Variants in KIF6 observed in about 807,000 individuals in gnomAD.
KIF6 encodes kinesin family member 6.
In KIF6, 106 loss-of-function variants were observed where a neutral mutation model predicts 112.7. That is an observed-to-expected ratio of 0.94 (90% CI 0.80 to 1.11). The LOEUF is 1.11. Among genes scored for constraint, KIF6 ranks in the 50% least tolerant of loss-of-function variants. The probability of loss-of-function intolerance (pLI) is 0.00; values close to 1 mark genes in which losing one functional copy is unlikely to be tolerated. For synonymous variants in KIF6, 339 were observed against 339.9 expected (o/e 1.00, Z 0.03); for missense variants, 929 against 964.0 (o/e 0.96, Z 0.48).
intron 13 of KIF6, among the ~76,000 whole-genome samples, chr6:39,484,533 G>A (rs114259676): frequency 3.3e-5 from 5 of 152,272 alleles, no homozygotes; most frequent in South Asian, 2.1e-4. Flanking sequence ...AAGAAATGGC[G>A]GGAGATGGAG....
intron 15 of KIF6, among the ~76,000 whole-genome samples, chr6:39,397,115 G>T (rs186378487): frequency 6.6e-6 from 1 of 152,086 alleles, no homozygotes; most frequent in Non-Finnish European, 1.5e-5. Flanking sequence ...TTCAGCACTC[G>T]CTGACTCCAA....
rs576801341 is a variant in KIF6, at chr6:39,392,538, A to C, written c.1811-6866T>G. The stretch of plus-strand genomic sequence containing the variant: ...GGATACATTTTCTTTAAAAAGAATA[A>C]GAAATATGTGACAAATAGGTATAAA... On this transcript the variant is annotated intron_variant, in intron 15 of 22. Coordinates refer to ENST00000287152, the MANE Select transcript of KIF6 (RefSeq NM_145027.6). Among the ~76,000 whole-genome samples, 5 of 152,382 alleles carry C rather than the reference A, an allele frequency of 3.3e-5. No individual in the cohort carries two copies. In the East Asian group the frequency reaches 9.6e-4, roughly 29 times the overall value.
intron 22 of KIF6, among the ~76,000 whole-genome samples, chr6:39,337,217 T>TTCTTTCTTTC (rs1255200421): frequency 8.5e-6 from 1 of 117,872 alleles, no homozygotes; most frequent in Admixed American, 8.4e-5. Flanking sequence ...CTTTCTTTCT[T>TTCTTTCTTTC]TCTTTCTTTC....
intron 3 of KIF6, among the ~76,000 whole-genome samples, chr6:39,684,766 G>A (rs1200577612): frequency 1.3e-5 from 2 of 151,732 alleles, no homozygotes; most frequent in African/African-American, 2.4e-5. Context: ...CTCCAGCCTG[G>A]GTGTAAGAGT....
intron 13 of KIF6, among the ~76,000 whole-genome samples, chr6:39,502,444 C>A (rs112126100): frequency 2.0e-5 from 3 of 151,956 alleles, no homozygotes; most frequent in South Asian, 2.1e-4. Context: ...AACAAGTCTG[C>A]GAAATAAACA....
chr6:39,564,871 C>T (rs9394614), intron 10 of KIF6, among the ~76,000 whole-genome samples: 6,093 of 152,280 alleles, frequency 0.04, 273 homozygotes, highest in East Asian at 0.25. Context: ...TACCATTTCA[C>T]AGACCAATGA....
chr6:39,718,475 G>A (rs1789998876), intron 2 of KIF6: 1 of 152,290 alleles, frequency 6.6e-6, no homozygotes, highest in African/African-American at 2.4e-5. Flanking sequence ...CAGGCGCGGT[G>A]GCTCACACCT....
At chr6:39,707,691 A>G (rs1484907782) in intron 3 of KIF6, among the ~76,000 whole-genome samples, 1 of 152,254 alleles carries the variant, frequency 6.6e-6, no homozygotes, top group Non-Finnish European at 1.5e-5. Flanking sequence ...ACCAGAGGTC[A>G]CTAAGCATGT....
chr6:39,491,457 A>C (rs1775479052), intron 13 of KIF6, among the ~76,000 whole-genome samples: 1 of 152,202 alleles, frequency 6.6e-6, no homozygotes, highest in Non-Finnish European at 1.5e-5. Context: ...CTCCTGATCC[A>C]GAAAAACTGT....
Position 39,482,337 on chromosome 6 carries a change from T to C in KIF6, c.1646-51176A>G, listed in dbSNP as rs550358136. Reference sequence around the variant, plus strand: ...TGTAAATTCTTGCTATTACTACCACTATCACCACCAGATGATGGAAGAGCT... The same window carrying C: ...TGTAAATTCTTGCTATTACTACCACCATCACCACCAGATGATGGAAGAGCT... On this transcript the variant is annotated intron_variant, in intron 13 of 22. Coordinates refer to ENST00000287152, the MANE Select transcript of KIF6 (RefSeq NM_145027.6). Among the ~76,000 whole-genome samples, 624 of 152,266 alleles carry C rather than the reference T, an allele frequency of 4.1e-3. 6 individuals are homozygous for C. The highest frequency in any genetic ancestry group is 0.015 in the African/African-American group (604 of 41,548).
At chr6:39,614,905 C>A (rs145015880) in intron 5 of KIF6, among the ~76,000 whole-genome samples, 2 of 152,082 alleles carry the variant, frequency 1.3e-5, no homozygotes, top group African/African-American at 4.8e-5. Context: ...CCTAGAGACA[C>A]GGAAGTAATG....
chr6:39,673,465 CTTA>C (rs1396604218), intron 3 of KIF6, among the ~76,000 whole-genome samples: 3 of 152,152 alleles, frequency 2.0e-5, no homozygotes, highest in Non-Finnish European at 2.9e-5. Flanking sequence ...CATGAAATCT[CTTA>C]TTATGTGCCA....
Position 39,362,429 on chromosome 6 carries a change from G to A in KIF6, c.1946+5C>T. The stretch of plus-strand genomic sequence containing the variant: ...CGGACTGTGTGTGGCTAAAAGGAAG[G>A]GCACCTTCTCTTTTCTTCCTCCAGT... On this transcript the variant is annotated splice_donor_5th_base_variant and intron_variant, in intron 17 of 22. Transcript: ENST00000287152. 1 of 1,611,430 alleles carries A rather than the reference G, an allele frequency of 6.2e-7. No individual in the cohort carries two copies.
rs148093090 is a variant in KIF6, at chr6:39,505,911, T to A, written c.1645+34092A>T. Among the ~76,000 whole-genome samples the A allele has an allele frequency of 1.3e-3, 201 of 152,312 alleles. 2 individuals are homozygous for A. The highest frequency in any genetic ancestry group is 4.3e-3 in the African/African-American group (178 of 41,576). ...TGCTTTTACACGGTTGGTGGGAGTG[T>A]AAATTAGTTCACCCATTGTGGAAGA... On this transcript the variant is annotated intron_variant, in intron 13 of 22. Coordinates refer to ENST00000287152, the MANE Select transcript of KIF6 (RefSeq NM_145027.6).
chr6:39,337,546 T>G (rs1255325821), intron 22 of KIF6, among the ~76,000 whole-genome samples: 1 of 151,536 alleles, frequency 6.6e-6, no homozygotes, highest in Non-Finnish European at 1.5e-5. Context: ...TTCCTGAGCT[T>G]AAGTGATCCT....
chr6:39,438,134 G>A (rs771606457), intron 13 of KIF6, among the ~76,000 whole-genome samples: 3 of 151,910 alleles, frequency 2.0e-5, no homozygotes, highest in Admixed American at 6.6e-5. Flanking sequence ...CACCACGCTC[G>A]GCTAACTTTT....
At chr6:39,374,467 A>G (rs1766269191) in intron 16 of KIF6, among the ~76,000 whole-genome samples, 1 of 152,184 alleles carries the variant, frequency 6.6e-6, no homozygotes, top group South Asian at 2.1e-4. Context: ...ATATTGGCAA[A>G]CCATACATCT....
At chr6:39,434,409 A>C (rs561949909) in intron 13 of KIF6, among the ~76,000 whole-genome samples, 9 of 146,322 alleles carry the variant, frequency 6.2e-5, no homozygotes, top group Non-Finnish European at 1.4e-4. Flanking sequence ...CTAAAATACA[A>C]AAAAAAAAAA....
chr6:39,473,302 T>A (rs1774242347), intron 13 of KIF6, among the ~76,000 whole-genome samples: 1 of 149,760 alleles, frequency 6.7e-6, no homozygotes, highest in Non-Finnish European at 1.5e-5. Context: ...TCAATTTAGG[T>A]AAAAAAAAAA....
Sources: gnomAD v4.1 joint callset for allele counts (sites outside exome capture counted in the v4.1 genomes callset) on GRCh38, gnomAD v4.1.1 for gene constraint, MANE v1.5 for transcripts, NCBI Gene and HGNC (gene_info 2026-07-23, HGNC 2026-07-21) for gene names.